SNRK: variants seen among roughly 807,000 people sequenced by gnomAD.
SNRK encodes the protein SNF related kinase.
SNRK carries 3 observed loss-of-function variants against 48.2 expected under a neutral mutation model. The observed-to-expected ratio is 0.06, with a 90% CI of 0.03 to 0.16. SNRK has a LOEUF of 0.16. Among genes scored for constraint, SNRK ranks in the 10% least tolerant of loss-of-function variants. The pLI is 1.00. For missense variants in SNRK, 627 were observed against 976.0 expected (o/e 0.64, Z 4.76); for synonymous variants, 376 against 366.1 (o/e 1.03, Z -0.31).
At chr3:43,302,638 A>AT (rs200971249) in intron 2 of SNRK, among the ~76,000 whole-genome samples, 1,542 of 133,662 alleles carry the variant, frequency 0.012, 20 homozygotes, top group African/African-American at 0.03. Flanking sequence ...CACAGAATGG[A>AT]TTTTTTTTTT....
intron 1 of SNRK, among the ~76,000 whole-genome samples, chr3:43,286,945 G>C (rs2090769425): frequency 6.9e-6 from 1 of 143,924 alleles, no homozygotes; most frequent in South Asian, 2.1e-4. Context: ...CACTGCGGCG[G>C]CGGCCGCGGT....
intron 1 of SNRK, among the ~76,000 whole-genome samples, chr3:43,293,136 G>T (rs183795656): frequency 7.2e-4 from 109 of 151,940 alleles, no homozygotes; most frequent in Admixed American, 1.2e-3. Flanking sequence ...ACAGGCTCTT[G>T]CTTTGTCTCC....
intron 6 of SNRK, among the ~76,000 whole-genome samples, chr3:43,344,413 C>A (rs75114601): frequency 6.6e-6 from 1 of 152,008 alleles, no homozygotes; most frequent in Non-Finnish European, 1.5e-5. Context: ...GTGTGTACCT[C>A]CAAGTATTTA....
intron 3 of SNRK, among the ~76,000 whole-genome samples, chr3:43,320,434 A>G (rs1006438174): frequency 1.2e-4 from 18 of 152,210 alleles, no homozygotes; most frequent in African/African-American, 3.9e-4. Context: ...TGGGAGCTCC[A>G]GTAGGTGGAA....
intron 1 of SNRK, among the ~76,000 whole-genome samples, chr3:43,295,106 G>C (rs1177247372): frequency 6.6e-6 from 1 of 152,186 alleles, no homozygotes; most frequent in African/African-American, 2.4e-5. Flanking sequence ...CCAAGAGGCA[G>C]AATCTGTTTA....
chr3:43,303,545 C>T lies in SNRK; in HGVS notation c.342C>T (p.Asp114=). The T allele has an allele frequency of 6.2e-7, 1 of 1,614,096 alleles. No homozygotes were observed. The highest frequency in any genetic ancestry group is 8.5e-7 in the Non-Finnish European group (1 of 1,180,004). The change falls in exon 3 of 7, where the codon GAC becomes GAT. Residue 114 remains aspartate (D), a synonymous_variant. Coordinates refer to ENST00000296088, the MANE Select transcript of SNRK (RefSeq NM_017719.5). The surrounding 1 kb of genome is among the most constrained non-coding windows in gnomAD (Gnocchi z 6.2). ...AACATGAGGAGGGTCTTAATGAAGA[C>T]TTGGCCAAGAAGTATTTTGCTCAGA... ...IMKHEEGLNE[D]LAKKYFAQIV... is the part of the protein sequence containing the mutation.
At chr3:43,309,644 ACT>A (rs2090964744) in intron 3 of SNRK, among the ~76,000 whole-genome samples, 2 of 144,460 alleles carry the variant, frequency 1.4e-5, no homozygotes, top group South Asian at 2.2e-4. Context: ...TGAGATAGGG[ACT>A]CTCTCTGTAG....
intron 2 of SNRK, among the ~76,000 whole-genome samples, chr3:43,301,044 G>A (rs1187104013): frequency 6.6e-6 from 1 of 152,242 alleles, no homozygotes; most frequent in Non-Finnish European, 1.5e-5. Context: ...GAGGGGAATT[G>A]TGAGGATTGA....
At chr3:43,338,695 ATAGT>A (rs1229988033) in intron 4 of SNRK, among the ~76,000 whole-genome samples, 3 of 151,926 alleles carry the variant, frequency 2.0e-5, no homozygotes, top group African/African-American at 7.3e-5. Context: ...CAGTCTATTG[ATAGT>A]TATTTCCTTA....
chr3:43,311,332 A>G (rs2090977534), intron 3 of SNRK, among the ~76,000 whole-genome samples: 1 of 152,088 alleles, frequency 6.6e-6, no homozygotes, highest in African/African-American at 2.4e-5. Context: ...AGAAAAGAGC[A>G]CCACAGAAGC....
chr3:43,299,565 A>G (rs181724911), intron 1 of SNRK, among the ~76,000 whole-genome samples, 189 bp from the exon 2 acceptor site: 131 of 152,342 alleles, frequency 8.6e-4, no homozygotes, highest in African/African-American at 3.1e-3. Flanking sequence ...ATCCCTGTTT[A>G]TTAAATTTCG....
Position 43,306,244 on chromosome 3 carries a change from G to T in SNRK, c.589+2452G>T, listed in dbSNP as rs201785685. On this transcript the variant is annotated intron_variant, in intron 3 of 6. Transcript: ENST00000296088. ...TAGAATTGCTATTTTTAAAAAAAAG[G>T]ACAGGTGTCTTTCTGTTAATCTACA... 5.0e-4 allele frequency among the ~76,000 whole-genome samples: 53 copies of T among 106,062 alleles called. No homozygotes were observed. The East Asian group carries it at 0.014, about 28-fold the overall frequency. 69.6% of individuals were successfully genotyped at this position (106,062 alleles called of 152,430 possible). A position where few individuals can be genotyped will look rare whatever the true frequency, so the allele number is the denominator to read the frequency against.
At chr3:43,290,975 C>T (rs2090807511) in intron 1 of SNRK, among the ~76,000 whole-genome samples, 1 of 152,064 alleles carries the variant, frequency 6.6e-6, no homozygotes, top group Non-Finnish European at 1.5e-5. Flanking sequence ...TGATAAGGGT[C>T]ATAATGGCAA....
At chr3:43,325,116 A>G (rs1182059173) in intron 3 of SNRK, among the ~76,000 whole-genome samples, 1 of 152,170 alleles carries the variant, frequency 6.6e-6, no homozygotes, top group Non-Finnish European at 1.5e-5. Flanking sequence ...TTGTATATTC[A>G]TCTTATGTTA....
Position 43,303,632 on chromosome 3 carries a change from G to A in SNRK, c.429G>A (p.Glu143=). 1.2e-6 allele frequency: 2 copies of A among 1,614,106 alleles called. No individual in the cohort carries two copies. Among genetic ancestry groups the A allele is most frequent in the Non-Finnish European group, 1.7e-6 (2 of 1,180,006 alleles). Residue 143 remains glutamate (E), a synonymous_variant, in exon 3 of 7, where the codon GAG becomes GAA. Coordinates refer to ENST00000296088, the MANE Select transcript of SNRK (RefSeq NM_017719.5). The surrounding 1 kb of genome is among the most constrained non-coding windows in gnomAD (Gnocchi z 6.2). Reference sequence around the variant, plus strand: ...TGGTTCACAGAGACTTAAAACCAGAGAATGTAGTCTTCTTTGAAAAACAAG... The same window carrying A: ...TGGTTCACAGAGACTTAAAACCAGAAAATGTAGTCTTCTTTGAAAAACAAG... ...LHVVHRDLKP[E]NVVFFEKQGL... is the part of the protein sequence containing the mutation.
intron 3 of SNRK, among the ~76,000 whole-genome samples, chr3:43,329,018 GA>G (rs1321702990): frequency 1.3e-5 from 2 of 152,188 alleles, no homozygotes; most frequent in Admixed American, 6.5e-5. Context: ...AGCTTTACAA[GA>G]AAGTAGATTA....
intron 4 of SNRK, among the ~76,000 whole-genome samples, chr3:43,338,855 A>T (rs1354068896): frequency 6.6e-6 from 1 of 152,154 alleles, no homozygotes; most frequent in Non-Finnish European, 1.5e-5. Flanking sequence ...CTTTATTTAT[A>T]GTATAAAGTA....
chr3:43,314,014 A>G (rs139878749), intron 3 of SNRK, among the ~76,000 whole-genome samples: 201 of 152,326 alleles, frequency 1.3e-3, no homozygotes, highest in African/African-American at 4.5e-3. Context: ...GAAACACAGT[A>G]TATTTTGCAG....
chr3:43,294,808 A>T (rs1355806206), intron 1 of SNRK, among the ~76,000 whole-genome samples: 1 of 152,136 alleles, frequency 6.6e-6, no homozygotes, highest in African/African-American at 2.4e-5. Flanking sequence ...AGGAATAAAA[A>T]GATGGTAGGG....
Sources: gnomAD v4.1 joint callset for allele counts (sites outside exome capture counted in the v4.1 genomes callset) on GRCh38, gnomAD v4.1.1 for gene constraint, Gnocchi (gnomAD v3.1) non-coding constraint, MANE v1.5 for transcripts, NCBI Gene and HGNC (gene_info 2026-07-23, HGNC 2026-07-21) for gene names.